DCDC1: variants seen among roughly 807,000 people sequenced by gnomAD.
DCDC1 encodes the protein doublecortin domain containing 1.
In DCDC1, 200 loss-of-function variants were observed where a neutral mutation model predicts 178.3. The ratio of observed to expected loss-of-function variants is 1.12; its 90% CI spans 1.00 to 1.26. The LOEUF (loss-of-function observed/expected upper bound fraction) is 1.26, where lower values mean the gene tolerates loss of function less well. Among genes scored for constraint, DCDC1 ranks in the 50% most tolerant of loss-of-function variants. DCDC1 has a pLI of 0.00. For missense variants in DCDC1, 1,983 were observed against 1,749.2 expected, an observed-to-expected ratio of 1.13 and a Z score of -2.38; for synonymous variants, 690 against 604.8, an observed-to-expected ratio of 1.14 and a Z score of -2.07.
intron 7 of DCDC1, among the ~76,000 whole-genome samples, chr11:31,279,887 A>C (rs1227698149): frequency 1.3e-5 from 2 of 152,044 alleles, no homozygotes; most frequent in Non-Finnish European, 1.5e-5. Flanking sequence ...AAGTATAATA[A>C]ATTAAAATAA....
chr11:31,186,570 C>G (rs756865856), intron 9 of DCDC1, among the ~76,000 whole-genome samples: 3 of 152,182 alleles, frequency 2.0e-5, no homozygotes, highest in Non-Finnish European at 4.4e-5. Flanking sequence ...TCATAAAGCC[C>G]TGACCATGGG....
chr11:31,175,229 C>T (rs1967833791), intron 9 of DCDC1, among the ~76,000 whole-genome samples: 2 of 152,210 alleles, frequency 1.3e-5, no homozygotes, highest in Admixed American at 6.5e-5. Context: ...CACAGATTCA[C>T]AGGAAGCTGG....
At chr11:31,153,065 T>C (rs1965344263) in intron 9 of DCDC1, among the ~76,000 whole-genome samples, 1 of 152,210 alleles carries the variant, frequency 6.6e-6, no homozygotes, top group Non-Finnish European at 1.5e-5. Flanking sequence ...TTGAGCGGGC[T>C]AAACCATACA....
intron 7 of DCDC1, among the ~76,000 whole-genome samples, chr11:31,282,020 C>T (rs1468222561): frequency 6.6e-6 from 1 of 152,096 alleles, no homozygotes; most frequent in Non-Finnish European, 1.5e-5. Flanking sequence ...AGGAATTTTG[C>T]ATCTATGATT....
chr11:31,110,872 T>C (rs888913434), intron 11 of DCDC1, among the ~76,000 whole-genome samples: 12 of 152,186 alleles, frequency 7.9e-5, no homozygotes, highest in Non-Finnish European at 8.8e-5. Context: ...ACAGATTTAT[T>C]GCATAACAGT....
intron 20 of DCDC1, among the ~76,000 whole-genome samples, chr11:31,038,611 G>T (rs952053185): frequency 6.6e-6 from 1 of 152,110 alleles, no homozygotes; most frequent in Non-Finnish European, 1.5e-5. Flanking sequence ...ACAGATTTTT[G>T]GAAGAGGAAA....
chr11:30,935,092 G>C lies in DCDC1; in HGVS notation c.2716-3140C>G, dbSNP rs551377469. Among the ~76,000 whole-genome samples, 26 of 152,272 alleles carry C rather than the reference G, an allele frequency of 1.7e-4. No individual in the cohort carries two copies. In the East Asian group the frequency reaches 4.8e-3, roughly 28 times the overall value. On this transcript the variant is annotated intron_variant, in intron 21 of 38. Coordinates refer to ENST00000684477, the MANE Select transcript of DCDC1 (RefSeq NM_001387274.1). ...GTTTTTGGTTTAGAACAGCTGGATT[G>C]TCAATGGTGATAAGTATAGGATTGC...
At chr11:30,907,365 T>C (rs1945138104) in intron 29 of DCDC1, among the ~76,000 whole-genome samples, 1 of 152,120 alleles carries the variant, frequency 6.6e-6, no homozygotes, top group South Asian at 2.1e-4. Flanking sequence ...ACCATCCCAC[T>C]CTTATTTGCA....
At chr11:31,197,746 T>A (rs768295967) in intron 9 of DCDC1, among the ~76,000 whole-genome samples, 15 of 152,080 alleles carry the variant, frequency 9.9e-5, no homozygotes, top group African/African-American at 2.4e-5. Context: ...TTTACCCTTA[T>A]AATTACACGT....
rs574450264 is a variant in DCDC1 at position 31,255,774 on chromosome 11, G to A, written c.1054+9733C>T. 5.9e-5 allele frequency among the ~76,000 whole-genome samples: 9 copies of A among 152,038 alleles called. 1 individual carries two copies. The highest frequency in any genetic ancestry group is 4.1e-4 in the South Asian group (2 of 4,824). ...AAATATTTTTTCCATTCTATGGTTT[G>A]TCTTTTCACTTTCTTGATAATGTCC... On this transcript the variant is annotated intron_variant, in intron 8 of 38. Transcript: ENST00000684477.
chr11:31,253,182 A>C lies in DCDC1; in HGVS notation c.1055-11566T>G, dbSNP rs1444671728. On this transcript the variant is annotated intron_variant, in intron 8 of 38. Transcript: ENST00000684477. ...TAATTCATTGCAAATGTAATTCAACAAAGAAATTTTTGGAATTCTAATTAA... is the reference window on the plus strand; with the variant it reads ...TAATTCATTGCAAATGTAATTCAACCAAGAAATTTTTGGAATTCTAATTAA... Among the ~76,000 whole-genome samples the C allele has an allele frequency of 5.3e-5, 8 of 152,300 alleles. No individual in the cohort carries two copies. The East Asian group carries it at 5.8e-4, about 11-fold the overall frequency.
At chr11:31,026,629 A>G (rs551619628) in intron 20 of DCDC1, among the ~76,000 whole-genome samples, 17 of 151,956 alleles carry the variant, frequency 1.1e-4, no homozygotes, top group African/African-American at 4.1e-4. Context: ...ATTCTCTGCC[A>G]TCTGGCTGTC....
chr11:31,008,046 C>A (rs1235642151), intron 20 of DCDC1, among the ~76,000 whole-genome samples: 1 of 152,122 alleles, frequency 6.6e-6, no homozygotes, highest in Non-Finnish European at 1.5e-5. Context: ...AGGGCACTAA[C>A]TTCATCTCCT....
At chr11:31,021,746 A>G (rs1401918671) in intron 20 of DCDC1, among the ~76,000 whole-genome samples, 1 of 152,166 alleles carries the variant, frequency 6.6e-6, no homozygotes, top group Admixed American at 6.6e-5. Flanking sequence ...TTTGGTGGTG[A>G]GGTTAAGAAA....
At chr11:30,937,329 C>A (rs984303886) in intron 21 of DCDC1, among the ~76,000 whole-genome samples, 1 of 152,054 alleles carries the variant, frequency 6.6e-6, no homozygotes, top group African/African-American at 2.4e-5. Context: ...ACTTTTTCTC[C>A]CTCAGGTCCC....
At chr11:30,959,976 A>G (rs1948996552) in intron 20 of DCDC1, among the ~76,000 whole-genome samples, 1 of 151,988 alleles carries the variant, frequency 6.6e-6, no homozygotes, top group Admixed American at 6.6e-5. Flanking sequence ...AATAAACCTT[A>G]GCATATAAAC....
chr11:31,310,364 G>A (rs1055397329), intron 3 of DCDC1, among the ~76,000 whole-genome samples: 1 of 131,694 alleles, frequency 7.6e-6, no homozygotes, highest in Non-Finnish European at 1.5e-5. Flanking sequence ...TGTTGCCCAG[G>A]CTGGAGTGCA....
intron 8 of DCDC1, among the ~76,000 whole-genome samples, chr11:31,256,857 T>A (rs1448150241): frequency 6.6e-6 from 1 of 152,168 alleles, no homozygotes; most frequent in Non-Finnish European, 1.5e-5. Flanking sequence ...ATAGTCTTGA[T>A]GTTCAGAAAA....
chr11:31,337,987 G>C lies in DCDC1; in HGVS notation c.-124-2423C>G, dbSNP rs145388470. On this transcript the variant is annotated intron_variant, in intron 1 of 38. Coordinates refer to ENST00000684477, the MANE Select transcript of DCDC1 (RefSeq NM_001387274.1). ...GTATTCAAATCTCATGCCCACATTT[G>C]TATCAGCAGGAAGCAGGCTGCAGAT... is the stretch of plus-strand genomic sequence containing the variant. 2.9e-3 allele frequency among the ~76,000 whole-genome samples: 448 copies of C among 152,246 alleles called. 2 individuals are homozygous for C. Among genetic ancestry groups the C allele is most frequent in the African/African-American group, 9.9e-3 (413 of 41,544 alleles).
Sources: allele counts gnomAD v4.1 joint callset (sites outside exome capture counted in the v4.1 genomes callset), GRCh38; gene constraint gnomAD v4.1.1; transcripts MANE v1.5; gene names NCBI Gene and HGNC (gene_info 2026-07-23, HGNC 2026-07-21).